ROBO1: variants seen among roughly 807,000 people sequenced by gnomAD.
ROBO1 encodes the protein roundabout homolog 1.
A neutral mutation model predicts 195.9 loss-of-function variants in ROBO1; 149 were observed. That is an observed-to-expected ratio of 0.76 (90% CI 0.67 to 0.87). ROBO1 has a LOEUF of 0.87. Among genes scored for constraint, ROBO1 ranks in the 40% least tolerant of loss-of-function variants. The pLI is 0.00. For missense variants in ROBO1, 1,933 were observed against 2,068.3 expected (o/e 0.93, Z 1.27); for synonymous variants, 816 against 733.2 (o/e 1.11, Z -1.82).
intron 3 of ROBO1, among the ~76,000 whole-genome samples, chr3:79,070,629 GGTT>G (rs1452954227): frequency 6.6e-6 from 1 of 151,698 alleles, no homozygotes; most frequent in Non-Finnish European, 1.5e-5. Context: ...TAATTTGTGA[GGTT>G]GTTGTATTTT....
intron 4 of ROBO1, among the ~76,000 whole-genome samples, chr3:78,789,150 A>G (rs1383348522): frequency 1.3e-5 from 2 of 152,234 alleles, no homozygotes; most frequent in Non-Finnish European, 2.9e-5. Context: ...CTAGAGAAAT[A>G]GACTACCCAT....
chr3:78,630,377 T>A (rs974468681), intron 25 of ROBO1, among the ~76,000 whole-genome samples: 4 of 152,234 alleles, frequency 2.6e-5, no homozygotes, highest in Non-Finnish European at 5.9e-5. Context: ...AAATGCATTT[T>A]ATAAAAAGAT....
intron 1 of ROBO1, among the ~76,000 whole-genome samples, chr3:79,621,148 A>G (rs1307914316): frequency 1.3e-5 from 2 of 152,036 alleles, no homozygotes; most frequent in Admixed American, 6.6e-5. Context: ...CAGTCTCCGC[A>G]ACTTACCTGG....
chr3:78,934,668 G>T (rs2039704422), intron 4 of ROBO1, among the ~76,000 whole-genome samples: 1 of 151,692 alleles, frequency 6.6e-6, no homozygotes, highest in African/African-American at 2.4e-5. Flanking sequence ...CAGAACTCAG[G>T]GATTCTCATC....
intron 2 of ROBO1, among the ~76,000 whole-genome samples, chr3:79,413,933 A>G (rs553489884): frequency 1.3e-5 from 2 of 152,208 alleles, no homozygotes; most frequent in East Asian, 1.9e-4. Context: ...CATTCCTTCT[A>G]GGAGCCATAA....
chr3:79,603,636 A>C (rs1160333830), intron 1 of ROBO1, among the ~76,000 whole-genome samples: 1 of 151,984 alleles, frequency 6.6e-6, no homozygotes, highest in Non-Finnish European at 1.5e-5. Flanking sequence ...ACCTCATAAA[A>C]CCACTGAGAT....
At chr3:79,151,508 C>G (rs1446307313) in intron 2 of ROBO1, among the ~76,000 whole-genome samples, 3 of 147,184 alleles carry the variant, frequency 2.0e-5, no homozygotes, top group Non-Finnish European at 4.5e-5. Flanking sequence ...CAATAGCCCT[C>G]TAACCAGCCT....
At chr3:78,926,476 C>A (rs998817544) in intron 4 of ROBO1, among the ~76,000 whole-genome samples, 2 of 151,968 alleles carry the variant, frequency 1.3e-5, no homozygotes, top group African/African-American at 4.8e-5. Context: ...GAAAGAAAGT[C>A]GGGAAGAATC....
At chr3:78,774,152 T>C (rs1392540961) in intron 4 of ROBO1, among the ~76,000 whole-genome samples, 1 of 152,190 alleles carries the variant, frequency 6.6e-6, no homozygotes, top group African/African-American at 2.4e-5. Flanking sequence ...TTTATTCTTT[T>C]ATTAGTCATT....
chr3:79,161,959 T>C (rs2080974962), intron 2 of ROBO1, among the ~76,000 whole-genome samples: 1 of 152,168 alleles, frequency 6.6e-6, no homozygotes, highest in African/African-American at 2.4e-5. Context: ...CAGTTATACA[T>C]ATTTTCCAAT....
intron 2 of ROBO1, among the ~76,000 whole-genome samples, chr3:79,405,562 T>C (rs1009278203): frequency 2.0e-5 from 3 of 152,182 alleles, no homozygotes; most frequent in Non-Finnish European, 2.9e-5. Context: ...TGGAGGTAAT[T>C]CTTTACTTTT....
intron 3 of ROBO1, among the ~76,000 whole-genome samples, chr3:78,942,985 C>T (rs1372722219): frequency 1.3e-5 from 2 of 151,684 alleles, no homozygotes; most frequent in South Asian, 2.1e-4. Context: ...GAGGCCAAGG[C>T]GGGCAGATCA....
intron 2 of ROBO1, among the ~76,000 whole-genome samples, chr3:79,208,251 C>T (rs1254526529): frequency 6.6e-6 from 1 of 152,188 alleles, no homozygotes; most frequent in African/African-American, 2.4e-5. Flanking sequence ...ATTTGTCTCA[C>T]TTGACACCAA....
intron 4 of ROBO1, among the ~76,000 whole-genome samples, chr3:78,873,203 C>T (rs994760693): frequency 1.3e-5 from 2 of 152,098 alleles, no homozygotes; most frequent in Non-Finnish European, 2.9e-5. Context: ...ATCAGTCAGC[C>T]TCTCTCTACT....
intron 2 of ROBO1, among the ~76,000 whole-genome samples, chr3:79,544,021 C>A (rs185638314): frequency 6.6e-6 from 1 of 152,094 alleles, no homozygotes; most frequent in Admixed American, 6.5e-5. Context: ...AAAAGTGACA[C>A]CCTGGGGTAC....
At chr3:79,450,250 T>G (rs1421982039) in intron 2 of ROBO1, among the ~76,000 whole-genome samples, 2 of 151,754 alleles carry the variant, frequency 1.3e-5, no homozygotes, top group Non-Finnish European at 2.9e-5. Context: ...TTTTACTGAG[T>G]CTTTGAAGAG....
chr3:79,525,247 C>T (rs1162345355), intron 2 of ROBO1, among the ~76,000 whole-genome samples: 1 of 150,352 alleles, frequency 6.7e-6, no homozygotes, highest in Non-Finnish European at 1.5e-5. Flanking sequence ...TCTTATTACA[C>T]TATATGTATA....
intron 2 of ROBO1, among the ~76,000 whole-genome samples, chr3:79,336,435 A>T (rs1246303133): frequency 6.6e-6 from 1 of 152,202 alleles, no homozygotes; most frequent in Non-Finnish European, 1.5e-5. Flanking sequence ...TGCTCAGGCA[A>T]TTGCTTCAGA....
At chr3:79,577,856 G>A (rs927516587) in intron 2 of ROBO1, among the ~76,000 whole-genome samples, 4 of 151,962 alleles carry the variant, frequency 2.6e-5, no homozygotes, top group Non-Finnish European at 5.9e-5. Flanking sequence ...AGGTTGCAGT[G>A]AGCGGAGAGC....
Sources: gnomAD v4.1 joint callset for allele counts (sites outside exome capture counted in the v4.1 genomes callset) on GRCh38, gnomAD v4.1.1 for gene constraint, MANE v1.5 for transcripts, NCBI Gene and HGNC (gene_info 2026-07-23, HGNC 2026-07-21) for gene names.